ERGIC1: variants seen among roughly 807,000 people sequenced by gnomAD.
ERGIC1 encodes endoplasmic reticulum-Golgi intermediate compartment protein 1.
Under a neutral mutation model 38.3 loss-of-function variants are expected in ERGIC1, and 19 were observed. The ratio of observed to expected loss-of-function variants is 0.50; its 90% CI spans 0.35 to 0.73. The LOEUF is 0.73. ERGIC1 is among the 30% of genes least tolerant of loss of function. The pLI is 0.01. For missense variants in ERGIC1, 294 were observed against 389.2 expected, an observed-to-expected ratio of 0.76 and a Z score of 2.06; for synonymous variants, 124 against 157.6, an observed-to-expected ratio of 0.79 and a Z score of 1.60.
At chr5:172,843,057 T>C (rs1422435619) in intron 1 of ERGIC1, among the ~76,000 whole-genome samples, 1 of 152,132 alleles carries the variant, frequency 6.6e-6, no homozygotes, top group African/African-American at 2.4e-5. Flanking sequence ...GGCAGGAGAA[T>C]TGCTTGAACC....
intron 5 of ERGIC1, among the ~76,000 whole-genome samples, chr5:172,919,287 C>T (rs931093019): frequency 6.6e-6 from 1 of 152,228 alleles, no homozygotes; most frequent in African/African-American, 2.4e-5. Context: ...CACAGATGAA[C>T]AGACGTACAC....
At chr5:172,929,898 A>G (rs1398344632) in intron 7 of ERGIC1, among the ~76,000 whole-genome samples, 1 of 152,176 alleles carries the variant, frequency 6.6e-6, no homozygotes, top group Non-Finnish European at 1.5e-5. Context: ...CAGTTCTTAG[A>G]AAAAGATGGC....
chr5:172,858,090 T>C lies in ERGIC1; in HGVS notation c.20+23657T>C, dbSNP rs76475930. On this transcript the variant is annotated intron_variant, in intron 1 of 9. Coordinates refer to ENST00000393784, the MANE Select transcript of ERGIC1 (RefSeq NM_001031711.3). ...AGCAGGGGGCTGTGAGGCCTGCGTC[T>C]TCTAGGGGATCGGGGGAACCTGACT... Among the ~76,000 whole-genome samples the C allele has an allele frequency of 1.6e-3, 248 of 152,298 alleles. 7 individuals are homozygous for C. The East Asian group carries it at 0.045, about 28-fold the overall frequency.
chr5:172,905,378 G>A, intron 3 of ERGIC1: 2 of 458,172 alleles, frequency 4.4e-6, no homozygotes, highest in Admixed American at 4.8e-5. Context: ...CTGTAGGGAG[G>A]CCGATCCTCC....
intron 1 of ERGIC1, among the ~76,000 whole-genome samples, chr5:172,859,594 C>T (rs1216859737): frequency 1.3e-5 from 2 of 152,210 alleles, no homozygotes; most frequent in Non-Finnish European, 2.9e-5. Context: ...AGAGAGCTGC[C>T]GCAGGTGCCT....
At chr5:172,938,515 G>A (rs1379954762) in intron 9 of ERGIC1, among the ~76,000 whole-genome samples, 1 of 152,158 alleles carries the variant, frequency 6.6e-6, no homozygotes. Context: ...CACTTTGGGA[G>A]GCCGAGGCGG....
intron 9 of ERGIC1, among the ~76,000 whole-genome samples, chr5:172,940,424 C>A (rs977965668): frequency 2.0e-5 from 3 of 152,158 alleles, no homozygotes; most frequent in Admixed American, 2.0e-4. Flanking sequence ...TGCTCCCCTC[C>A]CACACACACA....
chr5:172,876,123 A>G (rs1762135126), intron 1 of ERGIC1, among the ~76,000 whole-genome samples: 1 of 151,934 alleles, frequency 6.6e-6, no homozygotes, highest in Non-Finnish European at 1.5e-5. Flanking sequence ...CAGATGGATC[A>G]CTGCGTTCAG....
intron 5 of ERGIC1, chr5:172,920,395 G>A: frequency 1.4e-6 from 1 of 717,962 alleles, no homozygotes. Flanking sequence ...GTCAGAGTTT[G>A]CGTGTTTTGA....
chr5:172,902,127 GC>G (rs1448850208), intron 3 of ERGIC1, among the ~76,000 whole-genome samples: 1 of 152,180 alleles, frequency 6.6e-6, no homozygotes, highest in Non-Finnish European at 1.5e-5. Context: ...GCATTTCAGG[GC>G]CCCAGGCTCA....
chr5:172,872,293 CT>C (rs1220456117), intron 1 of ERGIC1, among the ~76,000 whole-genome samples: 4 of 152,156 alleles, frequency 2.6e-5, no homozygotes, highest in African/African-American at 9.7e-5. Flanking sequence ...TTTTATTTTT[CT>C]GTAAAAATGG....
At chr5:172,900,718 A>AC (rs1762850335) in intron 3 of ERGIC1, among the ~76,000 whole-genome samples, 1 of 146,132 alleles carries the variant, frequency 6.8e-6, no homozygotes, top group Non-Finnish European at 1.5e-5. Flanking sequence ...TCAAAAAAAA[A>AC]AAACAAAAAA....
chr5:172,907,535 G>A (rs1294560637), intron 3 of ERGIC1, among the ~76,000 whole-genome samples: 1 of 151,904 alleles, frequency 6.6e-6, no homozygotes, highest in Non-Finnish European at 1.5e-5. Flanking sequence ...TCCAGCCTGA[G>A]GGACAGAGCA....
chr5:172,921,015 T>C (rs1763500233), intron 5 of ERGIC1, among the ~76,000 whole-genome samples: 1 of 152,252 alleles, frequency 6.6e-6, no homozygotes, highest in Admixed American at 6.5e-5. Context: ...CCTGTGAGTG[T>C]TCCCTCTTCC....
At chr5:172,845,223 T>C (rs1224090970) in intron 1 of ERGIC1, among the ~76,000 whole-genome samples, 1 of 152,140 alleles carries the variant, frequency 6.6e-6, no homozygotes, top group Non-Finnish European at 1.5e-5. Flanking sequence ...TCAGCTGTGT[T>C]TACAGTCTGT....
intron 3 of ERGIC1, among the ~76,000 whole-genome samples, chr5:172,908,571 G>T (rs746558439): frequency 2.7e-5 from 4 of 149,832 alleles, no homozygotes; most frequent in African/African-American, 9.8e-5. Context: ...GTGAGACTCT[G>T]TCTCAAAAAA....
At chr5:172,854,118 C>A (rs557182330) in intron 1 of ERGIC1, among the ~76,000 whole-genome samples, 5 of 151,996 alleles carry the variant, frequency 3.3e-5, no homozygotes, top group Non-Finnish European at 5.9e-5. Flanking sequence ...AGGTGGCTCA[C>A]GCCTATAATC....
rs552598617 is a variant in ERGIC1 at position 172,877,506 on chromosome 5, C to T, written c.21-11193C>T. ...TGGAGTTTTGCTCTTGTTGCCCAGG[C>T]TGGAGTACAATGGCACGATCTTGGC... On this transcript the variant is annotated intron_variant, in intron 1 of 9. Coordinates refer to ENST00000393784, the MANE Select transcript of ERGIC1 (RefSeq NM_001031711.3). Among the ~76,000 whole-genome samples the T allele has an allele frequency of 1.9e-3, 258 of 132,576 alleles. 1 individual carries two copies. The highest frequency in any genetic ancestry group is 7.3e-3 in the African/African-American group (253 of 34,858). 87.0% of individuals were successfully genotyped at this position (132,576 alleles called of 152,430 possible).
chr5:172,884,466 G>A (rs1342636539), intron 1 of ERGIC1, among the ~76,000 whole-genome samples: 1 of 151,920 alleles, frequency 6.6e-6, no homozygotes, highest in African/African-American at 2.4e-5. Context: ...TGTTGCCCAG[G>A]CTTTTCTTGA....
Sources: gnomAD v4.1 joint callset for allele counts (sites outside exome capture counted in the v4.1 genomes callset) on GRCh38, gnomAD v4.1.1 for gene constraint, MANE v1.5 for transcripts, NCBI Gene and HGNC (gene_info 2026-07-23, HGNC 2026-07-21) for gene names.